Variants in ATP11B observed in about 807,000 individuals in gnomAD.
ATP11B encodes phospholipid-transporting ATPase IF.
A neutral mutation model predicts 157.8 loss-of-function variants in ATP11B; 81 were observed. That is an observed-to-expected ratio of 0.51 (90% confidence interval 0.43 to 0.62). ATP11B has a LOEUF of 0.62. ATP11B is among the 20% of genes least tolerant of loss of function. ATP11B has a pLI of 0.00. For missense variants in ATP11B, 1,165 were observed against 1,402.2 expected (o/e 0.83, Z 2.70); for synonymous variants, 451 against 469.4 (o/e 0.96, Z 0.51).
intron 1 of ATP11B, among the ~76,000 whole-genome samples, chr3:182,809,889 TTTGA>T (rs1297719614): frequency 2.6e-5 from 4 of 152,202 alleles, no homozygotes; most frequent in East Asian, 1.9e-4. Context: ...GTAAGTATTC[TTTGA>T]TTGGTTGCTA....
Position 182,889,557 on chromosome 3 carries a change from T to C in ATP11B, c.2982+9T>C. The C allele has an allele frequency of 1.3e-6, 2 of 1,527,382 alleles. No individual in the cohort carries two copies. The highest frequency in any genetic ancestry group is 1.7e-6 in the Non-Finnish European group (2 of 1,147,838). 94.6% of individuals were successfully genotyped at this position (1,527,382 alleles called of 1,614,324 possible). ...TGCTTGGAAATGGCCAGGTAAAGTATATAGTTTTTTTAAAGAATGCTTGTT... is the reference window on the plus strand; with the variant it reads ...TGCTTGGAAATGGCCAGGTAAAGTACATAGTTTTTTTAAAGAATGCTTGTT... On this transcript the variant is annotated intron_variant, in intron 25 of 29. Coordinates refer to ENST00000323116, the MANE Select transcript of ATP11B (RefSeq NM_014616.3).
At chr3:182,905,971 T>TG (rs1724319630) in intron 28 of ATP11B, 3 of 426,920 alleles carry the variant, frequency 7.0e-6, no homozygotes, top group Non-Finnish European at 1.4e-5. Context: ...TTCTCATGCT[T>TG]GGGGGGCATG....
chr3:182,872,274 T>A, intron 17 of ATP11B, 82 bp from the exon 18 acceptor site: 2 of 965,298 alleles, frequency 2.1e-6, no homozygotes, highest in Non-Finnish European at 3.1e-6. Context: ...AGGTCTTCAG[T>A]GTATTTTGAT....
chr3:182,871,666 G>A (rs1021739164), intron 17 of ATP11B, among the ~76,000 whole-genome samples: 4 of 152,152 alleles, frequency 2.6e-5, no homozygotes, highest in Admixed American at 2.0e-4. Flanking sequence ...GGTAGAACCT[G>A]CAGCTGTCTC....
chr3:182,902,455 TC>T, intron 28 of ATP11B: 1 of 1,269,686 alleles, frequency 7.9e-7, no homozygotes. Flanking sequence ...TTGTTGTGTG[TC>T]CATCCCTTTT....
rs548142660 is a variant in ATP11B at position 182,846,186 on chromosome 3, C to G, written c.769+664C>G. On this transcript the variant is annotated intron_variant, in intron 9 of 29. Coordinates refer to ENST00000323116, the MANE Select transcript of ATP11B (RefSeq NM_014616.3). ...GTATCTTGGCCCACTGTGTTACCCA[C>G]TGGCTGTCTGCAGCTTGTGAGATCT... Among the ~76,000 whole-genome samples the G allele has an allele frequency of 3.7e-4, 57 of 152,206 alleles. No homozygotes were observed. In the South Asian group the frequency reaches 5.0e-3, roughly 13 times the overall value.
chr3:182,918,491 A>G lies in ATP11B; in HGVS notation c.*387A>G, dbSNP rs1725276751. On this transcript the variant is annotated 3_prime_UTR_variant, in exon 30 of 30. Transcript: ENST00000323116. ...TATTAGCTTGATTATTGACTCTTCT[A>G]TTTAAATCTGCTTCTGTAAATTATG... 7.5e-6 allele frequency: 3 copies of G among 397,402 alleles called. No individual in the cohort carries two copies. Among genetic ancestry groups the G allele is most frequent in the Non-Finnish European group, 8.9e-6 (2 of 224,998 alleles). The allele number at this position is 397,402 out of a possible 1,614,324, so 24.6% of individuals were successfully genotyped here. A position where few individuals can be genotyped will look rare whatever the true frequency, so the allele number is the denominator to read the frequency against.
chr3:182,862,141 G>A (rs1448980637), intron 12 of ATP11B, among the ~76,000 whole-genome samples: 2 of 151,800 alleles, frequency 1.3e-5, no homozygotes, highest in Non-Finnish European at 2.9e-5. Flanking sequence ...TTAGCTGGGC[G>A]CAGTGGTGTG....
intron 19 of ATP11B, among the ~76,000 whole-genome samples, chr3:182,874,240 A>G (rs888812641): frequency 3.3e-5 from 5 of 152,266 alleles, no homozygotes; most frequent in African/African-American, 7.2e-5. Flanking sequence ...TTGGAACACA[A>G]TCACATTCAT....
At chr3:182,861,951 A>C (rs939642851) in intron 12 of ATP11B, among the ~76,000 whole-genome samples, 2 of 151,432 alleles carry the variant, frequency 1.3e-5, no homozygotes, top group Admixed American at 1.3e-4. Flanking sequence ...CTCAAAAAAA[A>C]AAAAAAATGA....
intron 25 of ATP11B, among the ~76,000 whole-genome samples, chr3:182,889,967 G>A (rs1392353091): frequency 6.6e-6 from 1 of 152,076 alleles, no homozygotes. Flanking sequence ...TTTTCAGATG[G>A]CAAATGAGGA....
intron 25 of ATP11B, among the ~76,000 whole-genome samples, chr3:182,892,013 AT>A (rs1161674387): frequency 6.6e-6 from 1 of 152,146 alleles, no homozygotes; most frequent in Non-Finnish European, 1.5e-5. Context: ...GTTCATTGTT[AT>A]TTTTACTATT....
chr3:182,857,584 T>C (rs1477820830), intron 10 of ATP11B, among the ~76,000 whole-genome samples: 1 of 151,400 alleles, frequency 6.6e-6, no homozygotes, highest in Non-Finnish European at 1.5e-5. Flanking sequence ...AAACTTAGAA[T>C]AATTACTTAT....
At chr3:182,889,925 T>C (rs183163930) in intron 25 of ATP11B, among the ~76,000 whole-genome samples, 2 of 152,336 alleles carry the variant, frequency 1.3e-5, no homozygotes, top group Admixed American at 6.5e-5. Flanking sequence ...GTCCTCCCAA[T>C]AATCTTATTA....
intron 17 of ATP11B, among the ~76,000 whole-genome samples, chr3:182,870,245 AAT>A (rs1721553371): frequency 6.6e-6 from 1 of 152,232 alleles, no homozygotes; most frequent in African/African-American, 2.4e-5. Flanking sequence ...AAAATTTAAA[AAT>A]ATAGGGGAAT....
intron 1 of ATP11B, among the ~76,000 whole-genome samples, chr3:182,804,800 C>G (rs1291033889): frequency 6.6e-6 from 1 of 152,130 alleles, no homozygotes; most frequent in Non-Finnish European, 1.5e-5. Flanking sequence ...AAACCTCAAG[C>G]CCCCAGCCTA....
At chr3:182,828,428 A>G (rs1717873767) in intron 3 of ATP11B, among the ~76,000 whole-genome samples, 1 of 152,040 alleles carries the variant, frequency 6.6e-6, no homozygotes, top group South Asian at 2.1e-4. Flanking sequence ...TTGTTTCATC[A>G]ATAATGTGCT....
intron 24 of ATP11B, 52 bp downstream of exon 24, chr3:182,887,765 TAAG>T: frequency 6.4e-7 from 1 of 1,550,716 alleles, no homozygotes; most frequent in Non-Finnish European, 8.7e-7. Flanking sequence ...AAGTAAAAAA[TAAG>T]CAGATTTATT....
At chr3:182,805,962 G>T (rs1262891539) in intron 1 of ATP11B, among the ~76,000 whole-genome samples, 1 of 152,052 alleles carries the variant, frequency 6.6e-6, no homozygotes, top group East Asian at 1.9e-4. Flanking sequence ...TTTTTATTTA[G>T]CACAAGGATT....
Sources: gnomAD v4.1 joint callset for allele counts (sites outside exome capture counted in the v4.1 genomes callset) on GRCh38, gnomAD v4.1.1 for gene constraint, MANE v1.5 for transcripts, NCBI Gene and HGNC (gene_info 2026-07-23, HGNC 2026-07-21) for gene names.